Variants in TIMMDC1 observed in about 807,000 individuals in gnomAD.
The protein encoded by TIMMDC1 is translocase of inner mitochondrial membrane domain containing 1, also known as complex I assembly factor TIMMDC1, mitochondrial.
In TIMMDC1, 25 loss-of-function variants were observed where a neutral mutation model predicts 32.6. The ratio of observed to expected loss-of-function variants is 0.77; its 90% CI spans 0.56 to 1.07. The LOEUF is 1.07. Among genes scored for constraint, TIMMDC1 ranks in the 50% least tolerant of loss-of-function variants. The pLI is 0.00. For synonymous variants in TIMMDC1, 130 were observed against 127.6 expected, an observed-to-expected ratio of 1.02 and a Z score of -0.13; for missense variants, 329 against 349.2, an observed-to-expected ratio of 0.94 and a Z score of 0.46.
chr3:119,500,228 A>C (rs1194451991), intron 1 of TIMMDC1: 1 of 152,434 alleles, frequency 6.6e-6, no homozygotes, highest in Non-Finnish European at 1.5e-5. Context: ...CTTAAGATTT[A>C]AACGGAAATA....
intron 6 of TIMMDC1, among the ~76,000 whole-genome samples, chr3:119,521,117 C>G (rs2082023932): frequency 6.6e-6 from 1 of 152,164 alleles, no homozygotes; most frequent in South Asian, 2.1e-4. Flanking sequence ...GTCAAACTCA[C>G]AGCTAATATC....
intron 1 of TIMMDC1, 26 bp from the exon 2 acceptor site, chr3:119,500,669 A>G (rs778289381): frequency 1.2e-6 from 2 of 1,601,960 alleles, no homozygotes; most frequent in Non-Finnish European, 1.7e-6. Context: ...CTAATCCCAA[A>G]CAACATTGTC....
At chr3:119,519,578 C>T (rs1180391441) in intron 6 of TIMMDC1, among the ~76,000 whole-genome samples, 1 of 152,030 alleles carries the variant, frequency 6.6e-6, no homozygotes, top group Non-Finnish European at 1.5e-5. Context: ...TATATATGCA[C>T]CCAACACCAG....
At chr3:119,512,185 G>GTATT (rs2081956706) in intron 4 of TIMMDC1, among the ~76,000 whole-genome samples, 2 of 152,182 alleles carry the variant, frequency 1.3e-5, no homozygotes, top group Non-Finnish European at 2.9e-5. Flanking sequence ...AATGGAACTA[G>GTATT]GTGGGAGAAA....
intron 2 of TIMMDC1, among the ~76,000 whole-genome samples, chr3:119,503,175 A>G (rs1030434818): frequency 6.6e-6 from 1 of 152,206 alleles, no homozygotes; most frequent in African/African-American, 2.4e-5. Flanking sequence ...GGAATTGCTC[A>G]TTGGAGCATT....
chr3:119,500,213 GTTAAC>G (rs1195434754), intron 1 of TIMMDC1, among the ~76,000 whole-genome samples: 22 of 152,242 alleles, frequency 1.4e-4, no homozygotes, highest in African/African-American at 3.6e-4. Context: ...ATTTCTAAAA[GTTAAC>G]TTAAGATTTA....
intron 4 of TIMMDC1, among the ~76,000 whole-genome samples, chr3:119,512,574 G>A (rs769264988): frequency 1.3e-5 from 2 of 151,984 alleles, no homozygotes; most frequent in Non-Finnish European, 2.9e-5. Context: ...CACCGTGCCC[G>A]GCCCCAGTTG....
At chr3:119,521,689 T>C (rs769138406) in intron 6 of TIMMDC1, among the ~76,000 whole-genome samples, 1 of 145,036 alleles carries the variant, frequency 6.9e-6, no homozygotes, top group Admixed American at 6.7e-5. Context: ...TGAGTCCCTG[T>C]CTCTTTAAAA....
In TIMMDC1 at chr3:119,498,775, AG is replaced by A; in HGVS notation, c.43del (p.Ala15HisfsTer14). On this transcript the variant is annotated frameshift_variant, in exon 1 of 7. Coordinates refer to ENST00000494664, the MANE Select transcript of TIMMDC1 (RefSeq NM_016589.4). LOFTEE classifies it high-confidence loss of function. ...CGGCACCGCGGAGCTTTCTCTGTAG[AG>A]CATTGTGCCTATTTCCCCGAGTCTT... The part of the protein sequence containing the change: ...PPAPRSFLCR[A>X]LCLFPRVFAA... The A allele has an allele frequency of 1.9e-6, 3 of 1,614,166 alleles. No homozygotes were observed. The highest frequency in any genetic ancestry group is 1.7e-6 in the Non-Finnish European group (2 of 1,180,016).
chr3:119,503,367 C>T (rs1287185111), intron 2 of TIMMDC1, among the ~76,000 whole-genome samples, 165 bp from the exon 3 acceptor site: 5 of 152,318 alleles, frequency 3.3e-5, no homozygotes, highest in South Asian at 2.1e-4. Context: ...GGAACTTTTA[C>T]GTAAGCCTCA....
chr3:119,505,369 GT>G (rs1223875709), intron 4 of TIMMDC1, among the ~76,000 whole-genome samples: 28 of 144,970 alleles, frequency 1.9e-4, no homozygotes, highest in Admixed American at 6.2e-4. Flanking sequence ...GTTTGTTTTT[GT>G]TTTTTTTTTT....
intron 6 of TIMMDC1, among the ~76,000 whole-genome samples, chr3:119,517,982 T>C (rs1278407095): frequency 2.0e-5 from 3 of 150,120 alleles, no homozygotes; most frequent in African/African-American, 4.9e-5. Flanking sequence ...AAAGTGACTT[T>C]TTTTTTTTTT....
chr3:119,511,756 A>C (rs1182643764), intron 4 of TIMMDC1, among the ~76,000 whole-genome samples: 1 of 152,242 alleles, frequency 6.6e-6, no homozygotes, highest in Non-Finnish European at 1.5e-5. Context: ...GACTGGACAA[A>C]GGACATGAAT....
chr3:119,501,050 T>C (rs1334732220), intron 2 of TIMMDC1, among the ~76,000 whole-genome samples, 190 bp downstream of exon 2: 1 of 152,224 alleles, frequency 6.6e-6, no homozygotes, highest in Non-Finnish European at 1.5e-5. Flanking sequence ...GAGACTACTT[T>C]GTTATCTTCA....
chr3:119,521,097 G>A (rs2082023794), intron 6 of TIMMDC1, among the ~76,000 whole-genome samples: 1 of 152,114 alleles, frequency 6.6e-6, no homozygotes, highest in African/African-American at 2.4e-5. Context: ...GTACAGTAAA[G>A]GCCATATATG....
intron 2 of TIMMDC1, 46 bp from the exon 3 acceptor site, chr3:119,503,486 A>G (rs2081893914): frequency 6.8e-7 from 1 of 1,470,018 alleles, no homozygotes; most frequent in Non-Finnish European, 9.2e-7. Context: ...GAATAAGGAA[A>G]ATATGATGGT....
Position 119,524,472 on chromosome 3 carries a change from A to G in TIMMDC1, c.*716A>G, listed in dbSNP as rs557289524. 6.6e-6 allele frequency: 1 copy of G among 152,166 alleles called. No homozygotes were observed. The highest frequency in any genetic ancestry group is 2.1e-4 in the South Asian group (1 of 4,826). The allele number at this position is 152,166 out of a possible 1,614,324, so 9.4% of individuals were successfully genotyped here. A position where few individuals can be genotyped will look rare whatever the true frequency, so the allele number is the denominator to read the frequency against. The stretch of plus-strand genomic sequence containing the variant: ...ATACGGGAAACACTGCTAGTACCTT[A>G]TGTTGGTGTTAGACCTCTCTGCCCT... On this transcript the variant is annotated 3_prime_UTR_variant, in exon 7 of 7. Transcript: ENST00000494664.
At chr3:119,508,280 T>C (rs1324851656) in intron 4 of TIMMDC1, among the ~76,000 whole-genome samples, 1 of 152,188 alleles carries the variant, frequency 6.6e-6, no homozygotes. Context: ...TTATCATTTA[T>C]AGTCAAGGTT....
At chr3:119,502,964 T>C (rs1209209841) in intron 2 of TIMMDC1, among the ~76,000 whole-genome samples, 2 of 152,246 alleles carry the variant, frequency 1.3e-5, no homozygotes, top group East Asian at 1.9e-4. Context: ...TTGGTTAGTA[T>C]TATGCTCTAA....
Sources: gnomAD v4.1 joint callset for allele counts (sites outside exome capture counted in the v4.1 genomes callset) on GRCh38, gnomAD v4.1.1 for gene constraint, MANE v1.5 for transcripts, NCBI Gene and HGNC (gene_info 2026-07-23, HGNC 2026-07-21) for gene names.